GATAD1: variants seen among roughly 807,000 people sequenced by gnomAD.
GATAD1 encodes the protein GATA zinc finger domain containing 1, also known as GATA zinc finger domain-containing protein 1.
In GATAD1, 12 loss-of-function variants were observed where a neutral mutation model predicts 26.5. The observed-to-expected ratio is 0.45, with a 90% confidence interval of 0.29 to 0.73. The LOEUF is 0.73. Among genes scored for constraint, GATAD1 ranks in the 30% least tolerant of loss-of-function variants. The pLI, the probability that GATAD1 is intolerant of heterozygous loss-of-function variation, is 0.10. For missense variants in GATAD1, 266 were observed against 342.1 expected, an observed-to-expected ratio of 0.78 and a Z score of 1.75; for synonymous variants, 129 against 133.1, an observed-to-expected ratio of 0.97 and a Z score of 0.21.
chr7:92,484,631 G>A, the GATAD1 span, among the ~76,000 whole-genome samples: 7 of 152,208 alleles, frequency 4.6e-5, no homozygotes, highest in African/African-American at 1.7e-4. Flanking sequence ...GGAGATTGAA[G>A]GGTAGTGAGA....
intron 4 of GATAD1, among the ~76,000 whole-genome samples, chr7:92,455,902 T>C (rs1440796494): frequency 6.6e-6 from 1 of 152,232 alleles, no homozygotes; most frequent in Non-Finnish European, 1.5e-5. Context: ...GATTCTGATA[T>C]GCATCCTTGT....
chr7:92,484,609 TTGGAAGGACA>T, the GATAD1 span, among the ~76,000 whole-genome samples: 9 of 152,048 alleles, frequency 5.9e-5, no homozygotes, highest in East Asian at 1.5e-3. Flanking sequence ...AGAACTGGAA[TTGGAAGGACA>T]GGGAGATTGA....
At chr7:92,492,836 T>G in the GATAD1 span, 2 of 809,296 alleles carry the variant, frequency 2.5e-6, no homozygotes, top group Non-Finnish European at 4.4e-6. Flanking sequence ...AAATTTATGT[T>G]TCTATACAGT....
the GATAD1 span, among the ~76,000 whole-genome samples, chr7:92,486,608 A>C: frequency 6.6e-6 from 1 of 152,192 alleles, no homozygotes; most frequent in Middle Eastern, 3.4e-3. Context: ...GGAGCAAGTG[A>C]TCCTCCTACC....
chr7:92,468,565 A>C, the GATAD1 span: 1 of 451,004 alleles, frequency 2.2e-6, no homozygotes, highest in Non-Finnish European at 3.9e-6. Flanking sequence ...TCTTTGCCTA[A>C]TTAGCATTTT....
At chr7:92,448,730 C>A in intron 1 of GATAD1, 22 bp from the exon 2 acceptor site, 1 of 1,600,628 alleles carries the variant, frequency 6.2e-7, no homozygotes, top group East Asian at 2.2e-5. Context: ...TCTTTTTGTT[C>A]TTTAATTTGT....
At chr7:92,454,084 T>C (rs1217469053) in intron 3 of GATAD1, 2 of 221,660 alleles carry the variant, frequency 9.0e-6, no homozygotes, top group Admixed American at 1.2e-4. Flanking sequence ...ACTCTAGTGG[T>C]GGGAGGGGTT....
rs1368303097 is a variant in GATAD1, at chr7:92,459,212, T to C, written c.*2650T>C. On this transcript the variant is annotated 3_prime_UTR_variant, in exon 5 of 5. Coordinates refer to ENST00000287957, the MANE Select transcript of GATAD1 (RefSeq NM_021167.5). ...CTGCACTCCAGTCTGGGTGACGGCA[T>C]GACTCCATCTCCAAAAAAAAAAAAA... 1.4e-5 allele frequency: 2 copies of C among 144,924 alleles called. No homozygotes were observed. Among genetic ancestry groups the C allele is most frequent in the Non-Finnish European group, 3.0e-5 (2 of 66,954 alleles). 9.0% of individuals were successfully genotyped at this position (144,924 alleles called of 1,614,324 possible).
At chr7:92,491,284 G>C in the GATAD1 span, 2 of 1,600,106 alleles carry the variant, frequency 1.2e-6, no homozygotes, top group African/African-American at 2.7e-5. Flanking sequence ...AATCAGAAGA[G>C]GTTCCATTTC....
chr7:92,456,566 A>G lies in GATAD1; in HGVS notation c.*4A>G, dbSNP rs768338694. On this transcript the variant is annotated 3_prime_UTR_variant, in exon 5 of 5. Transcript: ENST00000287957. Reference sequence around the variant, plus strand: ...ATCAGTTGCCAACCATTTGTAGTTCACAAATTAAAACTGGGTTTCCAGGCC... The same window carrying G: ...ATCAGTTGCCAACCATTTGTAGTTCGCAAATTAAAACTGGGTTTCCAGGCC... 5.6e-6 allele frequency: 9 copies of G among 1,603,336 alleles called. No homozygotes were observed. Among genetic ancestry groups the G allele is most frequent in the Middle Eastern group, 1.7e-4 (1 of 6,022 alleles).
the GATAD1 span, chr7:92,474,607 C>T: frequency 2.0e-5 from 3 of 152,192 alleles, no homozygotes; most frequent in Admixed American, 2.0e-4. Flanking sequence ...TGTTGTCATC[C>T]TATCATTGAC....
chr7:92,485,813 G>A, the GATAD1 span, among the ~76,000 whole-genome samples: 1 of 152,182 alleles, frequency 6.6e-6, no homozygotes, highest in Admixed American at 6.5e-5. Flanking sequence ...AAAAATCTAT[G>A]CTGATTCACA....
chr7:92,468,533 T>C, the GATAD1 span: 1 of 386,696 alleles, frequency 2.6e-6, no homozygotes, highest in Non-Finnish European at 4.6e-6. Flanking sequence ...CAATAGATGA[T>C]TGGCTATTTC....
At chr7:92,463,157 C>T (rs990491184), downstream of GATAD1, 4 of 152,038 alleles carry the variant, frequency 2.6e-5, no homozygotes, top group African/African-American at 7.3e-5. Context: ...TGTATAATTC[C>T]ACTTATATGA....
downstream of GATAD1, among the ~76,000 whole-genome samples, chr7:92,462,247 A>G (rs1789945450): frequency 6.6e-6 from 1 of 152,306 alleles, no homozygotes; most frequent in African/African-American, 2.4e-5. Context: ...ATATTTTTCT[A>G]ATAGAATTTT....
At chr7:92,480,329 T>C in the GATAD1 span, among the ~76,000 whole-genome samples, 3 of 152,204 alleles carry the variant, frequency 2.0e-5, no homozygotes, top group Admixed American at 2.0e-4. Context: ...GGTATTTTAG[T>C]TTCCTGACTC....
the GATAD1 span, among the ~76,000 whole-genome samples, chr7:92,476,605 C>T: frequency 1.3e-5 from 2 of 152,090 alleles, no homozygotes; most frequent in Non-Finnish European, 2.9e-5. Flanking sequence ...GACTCTCTCT[C>T]TCTCCTCTTT....
chr7:92,463,486 C>T (rs894891455), downstream of GATAD1, among the ~76,000 whole-genome samples: 1 of 150,918 alleles, frequency 6.6e-6, no homozygotes, highest in Non-Finnish European at 1.5e-5. Flanking sequence ...CCTGTCTCTA[C>T]TAAAAAATAA....
At chr7:92,493,032 G>A in the GATAD1 span, 3 of 1,612,900 alleles carry the variant, frequency 1.9e-6, no homozygotes, top group Middle Eastern at 1.7e-4. Context: ...ATCAGCTCCA[G>A]TAAAGGAGTC....
Sources: gnomAD v4.1 joint callset for allele counts (sites outside exome capture counted in the v4.1 genomes callset) on GRCh38, gnomAD v4.1.1 for gene constraint, MANE v1.5 for transcripts, NCBI Gene and HGNC (gene_info 2026-07-23, HGNC 2026-07-21) for gene names.